Variants in COL16A1 observed in about 807,000 individuals in gnomAD.
COL16A1 encodes collagen type XVI alpha 1 chain.
A neutral mutation model predicts 266.3 loss-of-function variants in COL16A1; 189 were observed. The observed-to-expected ratio is 0.71, with a 90% CI of 0.63 to 0.80. The LOEUF (loss-of-function observed/expected upper bound fraction) is 0.80. Among genes scored for constraint, COL16A1 ranks in the 30% least tolerant of loss-of-function variants. The pLI is 0.00. For synonymous variants in COL16A1, 740 were observed against 782.3 expected, an observed-to-expected ratio of 0.95 and a Z score of 0.90; for missense variants, 1,928 against 2,122.4, an observed-to-expected ratio of 0.91 and a Z score of 1.80.
Position 31,683,301 on chromosome 1 carries a change from T to C in COL16A1, c.2415+33A>G, listed in dbSNP as rs539695542. 2.6e-5 allele frequency: 42 copies of C among 1,614,136 alleles called. 1 individual carries two copies. In the African/African-American group the frequency reaches 4.4e-4, roughly 17 times the overall value. ...CATATCCTAGAATGGCCCCCTCCCC[T>C]GCTATCCTCCTTCAGGACTCAGGCA... is the stretch of plus-strand genomic sequence containing the variant. On this transcript the variant is annotated intron_variant, in intron 35 of 70. Transcript: ENST00000373672.
intron 12 of COL16A1, among the ~76,000 whole-genome samples, chr1:31,693,597 TTCA>T (rs1644372924): frequency 6.6e-6 from 1 of 152,176 alleles, no homozygotes; most frequent in African/African-American, 2.4e-5. Context: ...CCTCAGTTTC[TTCA>T]TCAATAAAAC....
Position 31,695,779 on chromosome 1 carries a change from C to T in COL16A1, c.927G>A (p.Gln309=), listed in dbSNP as rs1407746807. 6.2e-7 allele frequency: 1 copy of T among 1,613,508 alleles called. No homozygotes were observed. The highest frequency in any genetic ancestry group is 1.1e-5 in the South Asian group (1 of 91,056). ...GGCTTACCTCATCGGCTGCTGTCTC[C>T]TGATGGACCTGAGGAAAGGGTGGGG... ...QKAERGAKVH[Q]ETAADECPPC... is the part of the protein sequence containing the mutation. The change falls in exon 10 of 71, where the codon CAG becomes CAA. Residue 309 remains glutamine, a synonymous_variant. Transcript: ENST00000373672.
At chr1:31,701,291 C>G (rs188259809) in intron 2 of COL16A1, 2 of 984,844 alleles carry the variant, frequency 2.0e-6, no homozygotes, top group Non-Finnish European at 2.4e-6. Context: ...CCCCATCCCC[C>G]CCAGGGGACC....
At position 31,685,225 on chromosome 1, in the gene COL16A1, T is replaced by C. The variant is rs1463183130; in HGVS notation, c.2017-369A>G. Reference sequence around the variant, plus strand: ...GTGCTGGCCGTTACTGTGAAAGCAGTAACAGTGATAATAACCACAGTGGTA... The same window carrying C: ...GTGCTGGCCGTTACTGTGAAAGCAGCAACAGTGATAATAACCACAGTGGTA... On this transcript the variant is annotated intron_variant, in intron 29 of 70. Coordinates refer to ENST00000373672, the MANE Select transcript of COL16A1 (RefSeq NM_001856.4). The surrounding 1 kb of genome is among the most constrained non-coding windows in gnomAD (Gnocchi z 4.0). Among the ~76,000 whole-genome samples the C allele has an allele frequency of 1.4e-5, 2 of 142,906 alleles. No homozygotes were observed. The highest frequency in any genetic ancestry group is 6.1e-5 in the African/African-American group (2 of 32,686). 93.8% of individuals were successfully genotyped at this position (142,906 alleles called of 152,430 possible). A position where few individuals can be genotyped will look rare whatever the true frequency, so the allele number is the denominator to read the frequency against.
At chr1:31,655,641 C>T in intron 66 of COL16A1, 139 bp from the exon 67 acceptor site, 3 of 1,428,052 alleles carry the variant, frequency 2.1e-6, no homozygotes, top group East Asian at 2.3e-5. Flanking sequence ...GTCACTCCAC[C>T]TCACTGCCCC....
chr1:31,696,067 T>TCCCCCCCCCCC, intron 9 of COL16A1, 21 bp downstream of exon 9: 2 of 1,543,072 alleles, frequency 1.3e-6, no homozygotes, highest in Non-Finnish European at 9.0e-7. Context: ...GGTAGGCTCC[T>TCCCCCCCCCCC]CCCCCCACCC....
Position 31,675,022 on chromosome 1 carries a change from T to C in COL16A1, c.2844A>G (p.Glu948=), listed in dbSNP as rs369181016. The C allele has an allele frequency of 3.1e-6, 5 of 1,613,038 alleles. No homozygotes were observed. The highest frequency in any genetic ancestry group is 1.7e-6 in the Non-Finnish European group (2 of 1,179,540). ...ACCCTCTTACCTTAAGGAGGTGCTG[T>C]TCAATTGGTAAGGATCCCTGCAAGA... The part of the protein sequence containing the change: ...LTAELGSLPI[E]QHLLKSICGD... Residue 948 remains glutamate (E), a synonymous_variant, in exon 44 of 71, where the codon GAA becomes GAG. Transcript: ENST00000373672.
In COL16A1 at chr1:31,665,185, G is replaced by C; in HGVS notation, c.3542C>G (p.Pro1181Arg). 6.2e-7 allele frequency: 1 copy of C among 1,603,122 alleles called. No homozygotes were observed. ...GGTCCTGCTCACCTTCTCTGCTTGAGGGCCAGGTGGGCCAGGTGATCCAAC... is the reference window on the plus strand; with the variant it reads ...GGTCCTGCTCACCTTCTCTGCTTGACGGCCAGGTGGGCCAGGTGATCCAAC... ...GKVGSPGPPG[P>R]QAEKGSEGIR... Residue 1181 changes from proline to arginine, a missense_variant, in exon 56 of 71, where the codon CCT becomes CGT. By Grantham distance (103) the Pro-to-Arg change is moderately radical. Coordinates refer to ENST00000373672, the MANE Select transcript of COL16A1 (RefSeq NM_001856.4).
intron 64 of COL16A1, among the ~76,000 whole-genome samples, chr1:31,658,097 C>T (rs1442646336): frequency 6.6e-6 from 1 of 152,226 alleles, no homozygotes; most frequent in Non-Finnish European, 1.5e-5. Context: ...TGAGCTGAGA[C>T]CAAGTCCTGG....
intron 26 of COL16A1, among the ~76,000 whole-genome samples, chr1:31,686,938 G>A (rs1017172594): frequency 6.6e-6 from 1 of 152,198 alleles, no homozygotes; most frequent in Non-Finnish European, 1.5e-5. Flanking sequence ...GAGTAAACCC[G>A]AAGAGAAGGG....
rs777376291 is a variant in COL16A1, at chr1:31,679,518, G to A, written c.2772+114C>T. ...CAGGTAAACAGAGGAGTGAGAAATG[G>A]CATGTCTGTGTTTTTGGGGTGGGGG... On this transcript the variant is annotated intron_variant, in intron 42 of 70. Coordinates refer to ENST00000373672, the MANE Select transcript of COL16A1 (RefSeq NM_001856.4). 3.7e-6 allele frequency: 6 copies of A among 1,613,832 alleles called. No individual in the cohort carries two copies. In the African/African-American group the frequency reaches 5.3e-5, roughly 14 times the overall value.
intron 13 of COL16A1, 40 bp downstream of exon 13, chr1:31,693,052 C>A (rs1644345446): frequency 7.2e-7 from 1 of 1,379,838 alleles, no homozygotes; most frequent in African/African-American, 1.4e-5. Flanking sequence ...CAGGGCACAG[C>A]TGGCAAAGGT....
In COL16A1 at chr1:31,661,661, G is replaced by A. The variant is rs764024407; in HGVS notation, c.3725C>T (p.Pro1242Leu). The A allele has an allele frequency of 8.1e-6, 13 of 1,613,338 alleles. No homozygotes were observed. Among genetic ancestry groups the A allele is most frequent in the African/African-American group, 6.7e-5 (5 of 74,846 alleles). Residue 1242 changes from proline to leucine, a missense_variant and splice_region_variant, in exon 59 of 71, where the codon CCG (proline) becomes CTG (leucine). Pro to Leu is a moderately conservative substitution (Grantham distance 98). Around this residue, in one of 2 missense-constraint regions of COL16A1, gnomAD observed 1,552 missense variants for 1,637.2 expected, o/e 0.95. Transcript: ENST00000373672. The stretch of plus-strand genomic sequence containing the variant: ...ACTCCTTCCTGCAGCTCAACTTACC[G>A]GTGGTCCCATGAGTCCAGGGGGGCC... ...PAGPPGLMGP[P>L]GFKGKTGHPG...
intron 60 of COL16A1, 82 bp downstream of exon 60, chr1:31,661,332 A>G: frequency 6.2e-7 from 1 of 1,606,674 alleles, no homozygotes; most frequent in Non-Finnish European, 8.5e-7. Context: ...CTCTCTGCCC[A>G]GGATAGGCTG....
intron 42 of COL16A1, chr1:31,679,332 C>T (rs1643426391): frequency 1.5e-6 from 2 of 1,371,734 alleles, no homozygotes; most frequent in Non-Finnish European, 1.9e-6. Flanking sequence ...GAATGCTACT[C>T]CAAAACAGTG....
intron 41 of COL16A1, 38 bp downstream of exon 41, chr1:31,679,766 G>A (rs748045947): frequency 1.0e-5 from 16 of 1,590,674 alleles, no homozygotes; most frequent in South Asian, 6.8e-5. Context: ...TGGACAAGCC[G>A]CGGGGCGCTG....
chr1:31,671,299 A>T (rs1245311778), intron 48 of COL16A1, among the ~76,000 whole-genome samples: 1 of 152,134 alleles, frequency 6.6e-6, no homozygotes, highest in African/African-American at 2.4e-5. Flanking sequence ...CCTGAAGCCT[A>T]GGCCCCCTGC....
chr1:31,679,952 C>G, intron 40 of COL16A1, 90 bp downstream of exon 40: 2 of 1,573,956 alleles, frequency 1.3e-6, no homozygotes, highest in Non-Finnish European at 1.7e-6. Flanking sequence ...GGGTGCGTGG[C>G]CCTGCGGGGC....
chr1:31,655,735 A>G (rs773689744), intron 66 of COL16A1: 24 of 682,454 alleles, frequency 3.5e-5, no homozygotes, highest in Non-Finnish European at 4.9e-5. Flanking sequence ...CTCAGGATAA[A>G]GCACTCATTC....
Sources: allele counts gnomAD v4.1 joint callset (sites outside exome capture counted in the v4.1 genomes callset), GRCh38; gene constraint gnomAD v4.1.1; regional missense constraint gnomAD v4.1.1; non-coding constraint Gnocchi (gnomAD v3.1); transcripts MANE v1.5; gene names NCBI Gene and HGNC (gene_info 2026-07-23, HGNC 2026-07-21).